The following PRORP variants were observed in gnomAD, a reference collection of about 807,000 sequenced individuals.
PRORP encodes the protein protein only RNase P catalytic subunit.
PRORP carries 51 observed loss-of-function variants against 59.4 expected under a neutral mutation model. The observed-to-expected ratio is 0.86, with a 90% CI of 0.69 to 1.08. PRORP has a LOEUF of 1.08. PRORP is among the 50% of genes least tolerant of loss of function. PRORP has a pLI of 0.00. For missense variants in PRORP, 646 were observed against 690.3 expected, an observed-to-expected ratio of 0.94 and a Z score of 0.72; for synonymous variants, 231 against 245.6, an observed-to-expected ratio of 0.94 and a Z score of 0.55.
Position 35,273,515 on chromosome 14 carries a change from A to G in PRORP, c.1701A>G (p.Arg567=). 6.2e-7 allele frequency: 1 copy of G among 1,613,844 alleles called. No homozygotes were observed. The highest frequency in any genetic ancestry group is 1.3e-5 in the African/African-American group (1 of 75,036). The change falls in exon 8 of 8, where the codon AGA becomes AGG. Residue 567 remains arginine, a synonymous_variant. Coordinates refer to ENST00000534898, the MANE Select transcript of PRORP (RefSeq NM_014672.4). ...HIPYDEDLVE[R]CSCEVPTKWL... ...CATATGATGAAGACTTGGTAGAAAGATGTTCCTGTGAAGTACCAACCAAAT... is the reference window on the plus strand; with the variant it reads ...CATATGATGAAGACTTGGTAGAAAGGTGTTCCTGTGAAGTACCAACCAAAT...
intron 6 of PRORP, among the ~76,000 whole-genome samples, chr14:35,268,913 A>G (rs2051116415): frequency 1.3e-5 from 2 of 152,216 alleles, no homozygotes; most frequent in African/African-American, 2.4e-5. Flanking sequence ...TTTATTATTT[A>G]AAAAGTACAG....
At chr14:35,194,879 T>G (rs1017347475) in intron 5 of PRORP, among the ~76,000 whole-genome samples, 4 of 152,150 alleles carry the variant, frequency 2.6e-5, no homozygotes, top group African/African-American at 9.7e-5. Context: ...AAATTGTGAT[T>G]TCTTTTTTGA....
intron 5 of PRORP, among the ~76,000 whole-genome samples, chr14:35,187,609 T>C (rs929055799): frequency 4.0e-5 from 6 of 151,724 alleles, no homozygotes; most frequent in Admixed American, 6.6e-5. Flanking sequence ...TTCGTATTTT[T>C]AGTAGAGACG....
intron 4 of PRORP, among the ~76,000 whole-genome samples, chr14:35,133,781 G>A (rs1362206009): frequency 6.6e-6 from 1 of 152,172 alleles, no homozygotes; most frequent in Admixed American, 6.6e-5. Context: ...GAATTCTCTG[G>A]ATTACTAGGC....
chr14:35,166,519 G>A (rs1207754030), intron 4 of PRORP, among the ~76,000 whole-genome samples: 2 of 147,774 alleles, frequency 1.4e-5, no homozygotes, highest in African/African-American at 2.5e-5. Flanking sequence ...GTGTAATCTA[G>A]GCTCACTGCA....
intron 5 of PRORP, among the ~76,000 whole-genome samples, chr14:35,182,783 T>G (rs959357258): frequency 3.9e-5 from 6 of 152,220 alleles, no homozygotes; most frequent in Non-Finnish European, 7.3e-5. Flanking sequence ...TTAGAATAGT[T>G]TGAAGAGGTA....
intron 5 of PRORP, among the ~76,000 whole-genome samples, chr14:35,206,002 T>A (rs1566496640): frequency 6.6e-6 from 1 of 152,196 alleles, no homozygotes; most frequent in South Asian, 2.1e-4. Flanking sequence ...TCTCAGCTCC[T>A]TGACAACAGG....
At chr14:35,199,383 T>C (rs2049090564) in intron 5 of PRORP, among the ~76,000 whole-genome samples, 1 of 151,450 alleles carries the variant, frequency 6.6e-6, no homozygotes, top group Non-Finnish European at 1.5e-5. Context: ...ATAGTTTGAA[T>C]GTGTCCACTC....
At chr14:35,251,613 G>A (rs1403164220) in intron 5 of PRORP, among the ~76,000 whole-genome samples, 1 of 152,192 alleles carries the variant, frequency 6.6e-6, no homozygotes, top group Admixed American at 6.5e-5. Flanking sequence ...AGGCTAGAGT[G>A]CAGCTACCTT....
At chr14:35,131,682 C>T (rs531842673) in intron 4 of PRORP, among the ~76,000 whole-genome samples, 1 of 151,750 alleles carries the variant, frequency 6.6e-6, no homozygotes, top group East Asian at 2.0e-4. Flanking sequence ...GCATCTGCCA[C>T]CATACCCAGC....
chr14:35,186,542 T>C (rs950238908), intron 5 of PRORP, among the ~76,000 whole-genome samples: 22 of 151,986 alleles, frequency 1.4e-4, no homozygotes, highest in Admixed American at 6.6e-5. Flanking sequence ...TTCCTCCCAT[T>C]GGTCCCTGGC....
rs539692363 is a variant in PRORP at position 35,188,875 on chromosome 14, C to T, written c.1275+8098C>T. On this transcript the variant is annotated intron_variant, in intron 5 of 7. Transcript: ENST00000534898. ...CCTGTAGTACCAGCTACTCGGGAGGCGGAGGTTGCAGTAAGCTGAGATCGT... is the reference window on the plus strand; with the variant it reads ...CCTGTAGTACCAGCTACTCGGGAGGTGGAGGTTGCAGTAAGCTGAGATCGT... 3.5e-5 allele frequency among the ~76,000 whole-genome samples: 5 copies of T among 142,026 alleles called. No individual in the cohort carries two copies. The South Asian group carries it at 6.8e-4, about 19-fold the overall frequency. The allele number at this position is 142,026 out of a possible 152,430, so 93.2% of individuals were successfully genotyped here.
intron 5 of PRORP, among the ~76,000 whole-genome samples, chr14:35,265,144 A>C (rs1160341588): frequency 6.6e-6 from 1 of 152,152 alleles, no homozygotes; most frequent in Non-Finnish European, 1.5e-5. Context: ...TGATGATAGG[A>C]CTTTAAGTAA....
chr14:35,198,728 T>C (rs1237266077), intron 5 of PRORP, among the ~76,000 whole-genome samples: 2 of 152,188 alleles, frequency 1.3e-5, no homozygotes, highest in Non-Finnish European at 2.9e-5. Context: ...TTGCCTTCGA[T>C]GTCTGTTAAA....
At chr14:35,244,734 G>A (rs902528318) in intron 5 of PRORP, among the ~76,000 whole-genome samples, 1 of 152,050 alleles carries the variant, frequency 6.6e-6, no homozygotes. Context: ...CCACCAGTTG[G>A]GTTAAGAAGT....
rs1237560665 is a variant in PRORP, at chr14:35,274,699, C to CA, written c.*1134dup. The CA allele has an allele frequency of 1.3e-5, 2 of 152,176 alleles. No homozygotes were observed. Among genetic ancestry groups the CA allele is most frequent in the African/African-American group, 4.8e-5 (2 of 41,442 alleles). 9.4% of individuals were successfully genotyped at this position (152,176 alleles called of 1,614,324 possible). On this transcript the variant is annotated 3_prime_UTR_variant, in exon 8 of 8. Coordinates refer to ENST00000534898, the MANE Select transcript of PRORP (RefSeq NM_014672.4). ...AGACTTGAGCCACAGTGCCCAGCCT[C>CA]ACTTCTCTAGACTATGATGGTTTTT...
chr14:35,212,694 G>C (rs1350911236), intron 5 of PRORP, among the ~76,000 whole-genome samples: 1 of 152,154 alleles, frequency 6.6e-6, no homozygotes, highest in East Asian at 1.9e-4. Flanking sequence ...GCACAGGCAG[G>C]GTAGATTTAG....
In PRORP at chr14:35,158,741, T is replaced by G. The variant is rs149483632; in HGVS notation, c.1168-21929T>G. The stretch of plus-strand genomic sequence containing the variant: ...ATCTACTGCATCTCCAAATCCTATT[T>G]GGTATCAACTATTGTGAGCAGCAAC... On this transcript the variant is annotated intron_variant, in intron 4 of 7. Coordinates refer to ENST00000534898, the MANE Select transcript of PRORP (RefSeq NM_014672.4). The G allele has an allele frequency of 6.3e-5, 24 of 382,620 alleles. No individual in the cohort carries two copies. In the East Asian group the frequency reaches 1.5e-3, roughly 24 times the overall value. 23.7% of individuals were successfully genotyped at this position (382,620 alleles called of 1,614,324 possible).
At chr14:35,149,004 C>T (rs532970550) in intron 4 of PRORP, among the ~76,000 whole-genome samples, 4 of 145,276 alleles carry the variant, frequency 2.8e-5, no homozygotes, top group Admixed American at 7.0e-5. Flanking sequence ...CTGCAAGCTC[C>T]GCCTCCCAGG....
Sources: allele counts gnomAD v4.1 joint callset (sites outside exome capture counted in the v4.1 genomes callset), GRCh38; gene constraint gnomAD v4.1.1; transcripts MANE v1.5; gene names NCBI Gene and HGNC (gene_info 2026-07-23, HGNC 2026-07-21).